The following DAPK2 variants were observed in gnomAD, a reference collection of about 807,000 sequenced individuals.
The protein encoded by DAPK2 is death associated protein kinase 2, also known as death-associated protein kinase 2.
Under a neutral mutation model 44.1 loss-of-function variants are expected in DAPK2, and 35 were observed. The observed-to-expected ratio is 0.79, with a 90% CI of 0.61 to 1.05. The LOEUF (loss-of-function observed/expected upper bound fraction) is 1.05. Among genes scored for constraint, DAPK2 ranks in the 50% least tolerant of loss-of-function variants. DAPK2 has a pLI of 0.00. For synonymous variants in DAPK2, 174 were observed against 182.6 expected, an observed-to-expected ratio of 0.95 and a Z score of 0.38; for missense variants, 453 against 483.2, an observed-to-expected ratio of 0.94 and a Z score of 0.59.
chr15:64,027,869 C>A (rs930878825), intron 1 of DAPK2, among the ~76,000 whole-genome samples: 1 of 152,134 alleles, frequency 6.6e-6, no homozygotes, highest in Non-Finnish European at 1.5e-5. Flanking sequence ...TGGTATGCAA[C>A]CTCTGGGAAT....
chr15:63,994,435 AAGG>A (rs2078895748), intron 1 of DAPK2, among the ~76,000 whole-genome samples: 1 of 90,772 alleles, frequency 1.1e-5, no homozygotes, highest in Non-Finnish European at 2.2e-5. Context: ...GGAAGGAAGG[AAGG>A]AAGGAAGGAA....
chr15:64,016,761 C>A (rs2079536627), intron 1 of DAPK2, among the ~76,000 whole-genome samples: 2 of 147,526 alleles, frequency 1.4e-5, no homozygotes, highest in Non-Finnish European at 3.0e-5. Flanking sequence ...CTACTGAGTT[C>A]TAGTCTGGGT....
chr15:64,034,942 C>G (rs909330646), intron 1 of DAPK2, among the ~76,000 whole-genome samples: 2 of 152,126 alleles, frequency 1.3e-5, no homozygotes, highest in African/African-American at 4.8e-5. Flanking sequence ...CCGAGGCAGG[C>G]AGATAACCTA....
intron 2 of DAPK2, among the ~76,000 whole-genome samples, chr15:63,982,833 CTG>C (rs2030308243): frequency 6.6e-6 from 1 of 152,168 alleles, no homozygotes; most frequent in Non-Finnish European, 1.5e-5. Context: ...ATAAGAGTGT[CTG>C]TGTGACAGCG....
At chr15:64,041,811 C>A (rs2080360127), upstream of DAPK2, among the ~76,000 whole-genome samples, 1 of 152,216 alleles carries the variant, frequency 6.6e-6, no homozygotes, top group South Asian at 2.1e-4. Flanking sequence ...TAGCCCCCTG[C>A]AAACCAGAGC....
intron 4 of DAPK2, among the ~76,000 whole-genome samples, chr15:63,933,660 A>G (rs1445782197): frequency 1.4e-5 from 2 of 144,494 alleles, no homozygotes; most frequent in African/African-American, 5.2e-5. Flanking sequence ...GTGCAGTGGC[A>G]TGATCACAGC....
intron 1 of DAPK2, among the ~76,000 whole-genome samples, chr15:63,986,468 C>G (rs1212318931): frequency 6.6e-6 from 1 of 152,098 alleles, no homozygotes; most frequent in Non-Finnish European, 1.5e-5. Flanking sequence ...TCTGCTGCCC[C>G]GGCTGGAGGG....
intron 6 of DAPK2, among the ~76,000 whole-genome samples, chr15:63,926,373 T>C (rs1266226304): frequency 6.6e-6 from 1 of 151,786 alleles, no homozygotes; most frequent in Non-Finnish European, 1.5e-5. Flanking sequence ...CTCTTTGTGA[T>C]CCCCAGCAAG....
At position 63,980,524 on chromosome 15, in the gene DAPK2, A is replaced by G. The variant is rs1321051907; in HGVS notation, c.314+3009T>C. Among the ~76,000 whole-genome samples the G allele has an allele frequency of 2.0e-5, 3 of 152,248 alleles. No homozygotes were observed. The highest frequency in any genetic ancestry group is 2.0e-4 in the Admixed American group (3 of 15,292). ...CCATCTTTGAAAAGTGAGGATATTG[A>G]GTCCCAAAAATGTCAGCCTTTGGCT... On this transcript the variant is annotated intron_variant, in intron 2 of 10. Coordinates refer to ENST00000261891, the Ensembl canonical transcript of DAPK2. This position sits in a 1 kb window ranked among gnomAD's most constrained non-coding sequence, Gnocchi z 4.3.
intron 2 of DAPK2, among the ~76,000 whole-genome samples, chr15:63,981,159 G>A (rs1468298819): frequency 6.6e-6 from 1 of 151,476 alleles, no homozygotes; most frequent in African/African-American, 2.4e-5. Flanking sequence ...ATCCATTCAT[G>A]CATTAGTGGA....
chr15:63,936,549 T>G (rs2077157051), intron 4 of DAPK2, among the ~76,000 whole-genome samples: 1 of 152,036 alleles, frequency 6.6e-6, no homozygotes, highest in African/African-American at 2.4e-5. Context: ...AGGCGGAGGT[T>G]GCAGTGAGCT....
intron 4 of DAPK2, among the ~76,000 whole-genome samples, chr15:63,934,588 C>G (rs577816075): frequency 4.0e-5 from 6 of 151,122 alleles, no homozygotes; most frequent in Non-Finnish European, 5.9e-5. Flanking sequence ...GAGACAGACT[C>G]TCACTGTTGC....
intron 1 of DAPK2, among the ~76,000 whole-genome samples, chr15:63,991,768 A>G (rs1252092164): frequency 6.6e-6 from 1 of 152,214 alleles, no homozygotes; most frequent in Non-Finnish European, 1.5e-5. Flanking sequence ...GATGCTTCTC[A>G]GTATTATTAT....
chr15:64,030,493 C>T (rs2079980710), intron 1 of DAPK2, among the ~76,000 whole-genome samples: 1 of 152,100 alleles, frequency 6.6e-6, no homozygotes, highest in South Asian at 2.1e-4. Flanking sequence ...ATCAAGGCTG[C>T]AGGATGGAAT....
At chr15:63,973,918 A>T (rs2096421478) in intron 2 of DAPK2, among the ~76,000 whole-genome samples, 1 of 152,190 alleles carries the variant, frequency 6.6e-6, no homozygotes, top group South Asian at 2.1e-4. Context: ...CAAAAGAAGC[A>T]GACTGAGCAA....
chr15:64,018,297 G>A (rs981603167), intron 1 of DAPK2, among the ~76,000 whole-genome samples: 2 of 152,130 alleles, frequency 1.3e-5, no homozygotes, highest in African/African-American at 4.8e-5. Context: ...CAGTCCCAAG[G>A]GCTGTGAGGA....
upstream of DAPK2, among the ~76,000 whole-genome samples, chr15:64,044,030 C>T (rs530900756): frequency 1.3e-5 from 2 of 152,158 alleles, no homozygotes; most frequent in African/African-American, 2.4e-5. Flanking sequence ...TTGCATTTTA[C>T]CAGTTTAGAA....
At chr15:64,034,404 C>T (rs1046649441) in intron 1 of DAPK2, among the ~76,000 whole-genome samples, 18 of 152,304 alleles carry the variant, frequency 1.2e-4, no homozygotes, top group African/African-American at 4.3e-4. Flanking sequence ...CACATTCAGG[C>T]AGGCTGAGGG....
In DAPK2 at chr15:63,990,650, G is replaced by A. The variant is rs961020131; in HGVS notation, c.93-6896C>T. On this transcript the variant is annotated intron_variant, in intron 1 of 10. Coordinates refer to ENST00000261891, the Ensembl canonical transcript of DAPK2. The surrounding 1 kb of genome is among the most constrained non-coding windows in gnomAD (Gnocchi z 4.3). ...GAAGTGTTCCAAAGCAGAGGGTCGC[G>A]GAGACTGGCTTCCTCCTCCTGCTTC... is the stretch of plus-strand genomic sequence containing the variant. Among the ~76,000 whole-genome samples the A allele has an allele frequency of 3.3e-5, 5 of 152,170 alleles. No homozygotes were observed. Among genetic ancestry groups the A allele is most frequent in the Admixed American group, 6.5e-5 (1 of 15,274 alleles).
Sources: allele counts gnomAD v4.1 joint callset (sites outside exome capture counted in the v4.1 genomes callset), GRCh38; gene constraint gnomAD v4.1.1; non-coding constraint Gnocchi (gnomAD v3.1); transcripts MANE v1.5; gene names NCBI Gene and HGNC (gene_info 2026-07-23, HGNC 2026-07-21).